Variants in SPECC1 observed in about 807,000 individuals in gnomAD.
SPECC1 encodes cytospin-B.
SPECC1 carries 62 observed loss-of-function variants against 104.1 expected under a neutral mutation model. The ratio of observed to expected loss-of-function variants is 0.60; its 90% CI spans 0.49 to 0.74. The LOEUF is 0.74. Ranked by LOEUF, SPECC1 falls within the 30% of genes least tolerant of loss-of-function variation. The probability of loss-of-function intolerance (pLI) is 0.00; values close to 1 mark genes in which losing one functional copy is unlikely to be tolerated. For synonymous variants in SPECC1, 513 were observed against 501.6 expected, an observed-to-expected ratio of 1.02 and a Z score of -0.30; for missense variants, 1,306 against 1,310.5, an observed-to-expected ratio of 1.00 and a Z score of 0.05.
chr17:20,020,551 C>G (rs1201984022), intron 1 of SPECC1, among the ~76,000 whole-genome samples: 1 of 152,136 alleles, frequency 6.6e-6, no homozygotes, highest in African/African-American at 2.4e-5. Context: ...CCAGGCTGAT[C>G]TCAAACTCCT....
chr17:20,284,719 T>C (rs544614562), intron 12 of SPECC1, among the ~76,000 whole-genome samples: 17 of 152,214 alleles, frequency 1.1e-4, no homozygotes, highest in Non-Finnish European at 2.2e-4. Flanking sequence ...TGTAAACTGT[T>C]AAACTTTCCA....
intron 3 of SPECC1, among the ~76,000 whole-genome samples, chr17:20,115,945 T>G (rs868645607): frequency 6.6e-5 from 10 of 152,344 alleles, no homozygotes; most frequent in Middle Eastern, 3.4e-3. Flanking sequence ...AAATGATGAT[T>G]GTAATCAGAT....
At chr17:20,260,336 G>C (rs897998140) in intron 12 of SPECC1, 42 bp downstream of exon 12, 2 of 1,565,398 alleles carry the variant, frequency 1.3e-6, no homozygotes, top group Non-Finnish European at 1.8e-6. Flanking sequence ...CCCCTGGGCA[G>C]TAGTAGTCCT....
chr17:20,291,571 G>A (rs535740604), intron 12 of SPECC1, among the ~76,000 whole-genome samples: 1 of 152,042 alleles, frequency 6.6e-6, no homozygotes, highest in African/African-American at 2.4e-5. Context: ...TTAAAAGACG[G>A]TTTTGCTCTG....
intron 1 of SPECC1, among the ~76,000 whole-genome samples, chr17:20,059,294 C>T (rs189024571): frequency 2.0e-5 from 3 of 152,122 alleles, no homozygotes; most frequent in African/African-American, 2.4e-5. Flanking sequence ...ACAGATCTTC[C>T]GGCATTAGAG....
At chr17:20,182,461 A>C (rs2034975599) in intron 3 of SPECC1, among the ~76,000 whole-genome samples, 2 of 152,096 alleles carry the variant, frequency 1.3e-5, no homozygotes, top group South Asian at 4.1e-4. Flanking sequence ...CACCGGACAG[A>C]ATCGGTTTAA....
chr17:20,315,451 C>T lies in SPECC1; in HGVS notation c.*1386C>T. Reference sequence around the variant, plus strand: ...CTTCTGGGCGGATCTGTGTGCACTACACAGCGAGTGAGGGCGTGGCTCACA... The same window carrying T: ...CTTCTGGGCGGATCTGTGTGCACTATACAGCGAGTGAGGGCGTGGCTCACA... On this transcript the variant is annotated 3_prime_UTR_variant, in exon 15 of 15. Transcript: ENST00000395527. 1 of 232,870 alleles carries T rather than the reference C, an allele frequency of 4.3e-6. No homozygotes were observed. Among genetic ancestry groups the T allele is most frequent in the Non-Finnish European group, 8.5e-6 (1 of 117,806 alleles). 14.4% of individuals were successfully genotyped at this position (232,870 alleles called of 1,614,324 possible).
chr17:20,284,544 A>G (rs2040878860), intron 12 of SPECC1, among the ~76,000 whole-genome samples: 1 of 152,230 alleles, frequency 6.6e-6, no homozygotes, highest in Non-Finnish European at 1.5e-5. Flanking sequence ...CACGGCAGGG[A>G]AGGAGCACAG....
intron 3 of SPECC1, among the ~76,000 whole-genome samples, chr17:20,126,720 T>G (rs1056616772): frequency 6.6e-6 from 1 of 152,254 alleles, no homozygotes; most frequent in African/African-American, 2.4e-5. Context: ...TTGTGTTAAA[T>G]GCTAGTGACA....
chr17:20,033,323 C>T (rs191792821), intron 1 of SPECC1, among the ~76,000 whole-genome samples: 1 of 152,178 alleles, frequency 6.6e-6, no homozygotes, highest in Non-Finnish European at 1.5e-5. Flanking sequence ...TGTAGGAACT[C>T]TGGGTATTGG....
At chr17:20,167,417 G>A (rs892873344) in intron 3 of SPECC1, among the ~76,000 whole-genome samples, 3 of 151,962 alleles carry the variant, frequency 2.0e-5, no homozygotes, top group Admixed American at 6.6e-5. Context: ...AGTGGCTCAC[G>A]GCCTGTAATC....
intron 12 of SPECC1, 71 bp from the exon 13 acceptor site, chr17:20,296,890 C>G: frequency 7.2e-7 from 1 of 1,386,396 alleles, no homozygotes; most frequent in South Asian, 1.2e-5. Flanking sequence ...CATCTTATCA[C>G]AATCTTCCTC....
intron 3 of SPECC1, among the ~76,000 whole-genome samples, chr17:20,182,465 G>A (rs1001463483): frequency 4.6e-5 from 7 of 151,530 alleles, no homozygotes; most frequent in Non-Finnish European, 8.8e-5. Context: ...GGACAGAATC[G>A]GTTTAAAAAA....
intron 14 of SPECC1, among the ~76,000 whole-genome samples, chr17:20,311,373 A>AT (rs749854561): frequency 2.0e-3 from 298 of 146,290 alleles, no homozygotes; most frequent in East Asian, 4.8e-3. Context: ...CTTCCAGTAC[A>AT]TTTTTTTTTT....
At chr17:20,157,925 A>T (rs2032752038) in intron 3 of SPECC1, among the ~76,000 whole-genome samples, 1 of 152,198 alleles carries the variant, frequency 6.6e-6, no homozygotes, top group African/African-American at 2.4e-5. Context: ...CAGCCTCCCA[A>T]GTAGCTGAGA....
chr17:20,229,140 C>T (rs1348032777), intron 5 of SPECC1, among the ~76,000 whole-genome samples: 1 of 152,190 alleles, frequency 6.6e-6, no homozygotes, highest in Non-Finnish European at 1.5e-5. Context: ...CCTTCTCATA[C>T]TGTACATGTG....
chr17:20,236,002 T>C (rs1031828941), intron 7 of SPECC1, among the ~76,000 whole-genome samples: 1 of 152,238 alleles, frequency 6.6e-6, no homozygotes, highest in Non-Finnish European at 1.5e-5. Context: ...TGTGTTGCTC[T>C]GATGGCTCTA....
chr17:20,182,113 C>CT (rs764269851), intron 3 of SPECC1, among the ~76,000 whole-genome samples: 2 of 46,384 alleles, frequency 4.3e-5, no homozygotes, highest in South Asian at 9.3e-4. Context: ...CTTTTTCTTT[C>CT]TTTTTCTTTT....
At chr17:20,041,663 T>C (rs1332205699) in intron 1 of SPECC1, among the ~76,000 whole-genome samples, 2 of 142,604 alleles carry the variant, frequency 1.4e-5, no homozygotes, top group Admixed American at 7.1e-5. Context: ...AGTCTTGCTC[T>C]GTTGCCCAGG....
Sources: allele counts gnomAD v4.1 joint callset (sites outside exome capture counted in the v4.1 genomes callset), GRCh38; gene constraint gnomAD v4.1.1; transcripts MANE v1.5; gene names NCBI Gene and HGNC (gene_info 2026-07-23, HGNC 2026-07-21).